The following SH3BP2 variants were observed in gnomAD, a reference collection of about 807,000 sequenced individuals.
The protein encoded by SH3BP2 is SH3 domain-binding protein 2.
Under a neutral mutation model 56.2 loss-of-function variants are expected in SH3BP2, and 38 were observed. The ratio of observed to expected loss-of-function variants is 0.68; its 90% CI spans 0.52 to 0.89. SH3BP2 has a LOEUF of 0.89. SH3BP2 is among the 40% of genes least tolerant of loss of function. The probability of loss-of-function intolerance (pLI) is 0.00; values close to 1 mark genes in which losing one functional copy is unlikely to be tolerated. For synonymous variants in SH3BP2, 346 were observed against 316.7 expected (o/e 1.09, Z -0.98); for missense variants, 748 against 762.6 (o/e 0.98, Z 0.23).
intron 1 of SH3BP2, among the ~76,000 whole-genome samples, chr4:2,809,499 A>G (rs77566703): frequency 0.016 from 2,457 of 152,174 alleles, 72 homozygotes; most frequent in African/African-American, 0.056. Context: ...GAAGGTGGCA[A>G]GCAGGTACCA....
At chr4:2,826,893 CTG>C (rs1244652995) in intron 5 of SH3BP2, 2 of 525,614 alleles carry the variant, frequency 3.8e-6, no homozygotes, top group African/African-American at 1.9e-5. Flanking sequence ...GCGCGTGTCC[CTG>C]TGTCTTTGTG....
intron 1 of SH3BP2, among the ~76,000 whole-genome samples, chr4:2,800,138 C>T (rs992018634): frequency 2.6e-5 from 4 of 151,718 alleles, no homozygotes; most frequent in Non-Finnish European, 2.9e-5. Context: ...AGGATGGGGT[C>T]GGTGACCCCT....
chr4:2,833,181 C>T (rs1475711792), intron 12 of SH3BP2, 132 bp downstream of exon 12: 3 of 805,248 alleles, frequency 3.7e-6, no homozygotes, highest in Admixed American at 1.9e-5. Context: ...CCTCCCCTTC[C>T]CCTCCACCAT....
chr4:2,812,729 C>T (rs1377249675), intron 1 of SH3BP2, among the ~76,000 whole-genome samples: 1 of 137,420 alleles, frequency 7.3e-6, no homozygotes, highest in African/African-American at 2.4e-5. Context: ...AGAACCCCCC[C>T]CACCCCCCCA....
In SH3BP2 at chr4:2,800,102, G is replaced by A. The variant is rs1723207614; in HGVS notation, c.-5+6964G>A. Reference sequence around the variant, plus strand: ...GTTCGTCGAGGCTGCAGAAGGCTGGGTGGGAGTGGAGGAGGTGACGTGACC... The same window carrying A: ...GTTCGTCGAGGCTGCAGAAGGCTGGATGGGAGTGGAGGAGGTGACGTGACC... On this transcript the variant is annotated intron_variant, in intron 1 of 12. Transcript: ENST00000503393. 1.3e-5 allele frequency among the ~76,000 whole-genome samples: 2 copies of A among 152,076 alleles called. 1 individual carries two copies. The highest frequency in any genetic ancestry group is 4.1e-4 in the South Asian group (2 of 4,820).
At position 2,838,832 on chromosome 4, in the gene SH3BP2, T is replaced by C. The variant is rs533992604; in HGVS notation, c.*4998T>C. Reference sequence around the variant, plus strand: ...GCAACAGTTTTGTCCATGTCTCTGATGCACGTGTGTTTTTTGCAAATGGTG... The same window carrying C: ...GCAACAGTTTTGTCCATGTCTCTGACGCACGTGTGTTTTTTGCAAATGGTG... On this transcript the variant is annotated 3_prime_UTR_variant, in exon 13 of 13. Coordinates refer to ENST00000503393, the MANE Select transcript of SH3BP2 (RefSeq NM_001122681.2). 9.2e-5 allele frequency: 14 copies of C among 152,334 alleles called. No homozygotes were observed. The highest frequency in any genetic ancestry group is 5.2e-4 in the Admixed American group (8 of 15,304). 9.4% of individuals were successfully genotyped at this position (152,334 alleles called of 1,614,324 possible).
chr4:2,802,336 A>G (rs983945660), intron 1 of SH3BP2, among the ~76,000 whole-genome samples: 5 of 151,430 alleles, frequency 3.3e-5, no homozygotes, highest in African/African-American at 2.4e-5. Context: ...AGAGGTTGCA[A>G]TGAGCCAAGA....
intron 1 of SH3BP2, among the ~76,000 whole-genome samples, chr4:2,801,155 G>C (rs536363716): frequency 6.6e-6 from 1 of 152,196 alleles, no homozygotes; most frequent in Non-Finnish European, 1.5e-5. Flanking sequence ...GAGAGGCTGC[G>C]GCAGAGGCTG....
At position 2,836,586 on chromosome 4, in the gene SH3BP2, T is replaced by TGGCTCCCTGCCA. The variant is rs1298990730; in HGVS notation, c.*2765_*2776dup. 1.3e-5 allele frequency: 2 copies of TGGCTCCCTGCCA among 152,436 alleles called. No individual in the cohort carries two copies. The highest frequency in any genetic ancestry group is 2.1e-4 in the South Asian group (1 of 4,830). 9.4% of individuals were successfully genotyped at this position (152,436 alleles called of 1,614,324 possible). A position where few individuals can be genotyped will look rare whatever the true frequency, so the allele number is the denominator to read the frequency against. On this transcript the variant is annotated 3_prime_UTR_variant, in exon 13 of 13. Coordinates refer to ENST00000503393, the MANE Select transcript of SH3BP2 (RefSeq NM_001122681.2). The stretch of plus-strand genomic sequence containing the variant: ...CTGAGCCTAGACCCTGGCCCCTGCC[T>TGGCTCCCTGCCA]GGCTCCCTGCCAGGCTCCCTGCCAC...
Position 2,829,691 on chromosome 4 carries a change from G to A in SH3BP2, c.785G>A (p.Arg262Lys), listed in dbSNP as rs1724867204. The part of the protein sequence containing the change: ...EDSKRDPLCP[R>K]RAEPCPRVPA... ...TCCAAGAGGGACCCACTGTGCCCGA[G>A]GCGGGCTGAGCCTTGCCCCAGGGTA... Residue 262 changes from arginine to lysine, a missense_variant, in exon 8 of 13, where the codon AGG (arginine) becomes AAG (lysine). Around this residue, in one of 3 missense-constraint regions of SH3BP2, gnomAD observed 635 missense variants for 615.0 expected, o/e 1.03. Coordinates refer to ENST00000503393, the MANE Select transcript of SH3BP2 (RefSeq NM_001122681.2). The surrounding 1 kb of genome is among the most constrained non-coding windows in gnomAD (Gnocchi z 4.9). 3.7e-6 allele frequency: 6 copies of A among 1,612,958 alleles called. No individual in the cohort carries two copies. The highest frequency in any genetic ancestry group is 1.6e-4 in the Middle Eastern group (1 of 6,062).
chr4:2,818,538 G>A (rs1577352772), intron 1 of SH3BP2: 2 of 530,336 alleles, frequency 3.8e-6, no homozygotes, highest in East Asian at 1.3e-4. Flanking sequence ...AAAGGCGGGC[G>A]TGGACCGTCC....
intron 1 of SH3BP2, chr4:2,799,252 A>G (rs945383822): frequency 1.8e-4 from 180 of 985,242 alleles, no homozygotes; most frequent in Non-Finnish European, 2.1e-4. Context: ...CGGGACCCTC[A>G]CCGCGACTGG....
rs755576345 is a variant in SH3BP2, at chr4:2,833,884, C to G, written c.*50C>G. ...CAAGGCAGTCACAGGGGCCCTGACC[C>G]CAGGCCACACAGACGGACATGGGCC... On this transcript the variant is annotated 3_prime_UTR_variant, in exon 13 of 13. Coordinates refer to ENST00000503393, the MANE Select transcript of SH3BP2 (RefSeq NM_001122681.2). The G allele has an allele frequency of 6.6e-7, 1 of 1,522,088 alleles. No homozygotes were observed. Among genetic ancestry groups the G allele is most frequent in the Non-Finnish European group, 8.8e-7 (1 of 1,135,120 alleles). The allele number at this position is 1,522,088 out of a possible 1,614,324, so 94.3% of individuals were successfully genotyped here. A position where few individuals can be genotyped will look rare whatever the true frequency, so the allele number is the denominator to read the frequency against.
chr4:2,813,792 CATG>C (rs1192699093), intron 1 of SH3BP2, among the ~76,000 whole-genome samples: 1 of 152,144 alleles, frequency 6.6e-6, no homozygotes, highest in Non-Finnish European at 1.5e-5. Flanking sequence ...TGTATGAGAA[CATG>C]AGAGCGAGTG....
intron 1 of SH3BP2, chr4:2,812,516 G>A: frequency 6.5e-7 from 1 of 1,542,764 alleles, no homozygotes; most frequent in Non-Finnish European, 8.8e-7. Flanking sequence ...TCGGGAGGCG[G>A]CACTGGTCTA....
chr4:2,797,325 C>T (rs1723098251), intron 1 of SH3BP2, among the ~76,000 whole-genome samples: 1 of 152,192 alleles, frequency 6.6e-6, no homozygotes, highest in Admixed American at 6.5e-5. Context: ...GCCTTTACCA[C>T]CCACCCTGGT....
At chr4:2,808,480 A>G (rs1193776744) in intron 1 of SH3BP2, among the ~76,000 whole-genome samples, 1 of 152,166 alleles carries the variant, frequency 6.6e-6, no homozygotes, top group Non-Finnish European at 1.5e-5. Context: ...TCAGCCCACT[A>G]CAACATGTGG....
At chr4:2,793,519 G>A (rs1278359594) in intron 1 of SH3BP2, among the ~76,000 whole-genome samples, 6 of 151,334 alleles carry the variant, frequency 4.0e-5, no homozygotes, top group Non-Finnish European at 8.9e-5. Flanking sequence ...CGGGGCGGGG[G>A]CCGGGTGTCC....
Position 2,829,081 on chromosome 4 carries a change from C to G in SH3BP2, c.587-412C>G, listed in dbSNP as rs1724833734. Among the ~76,000 whole-genome samples, 1 of 152,316 alleles carries G rather than the reference C, an allele frequency of 6.6e-6. No individual in the cohort carries two copies. Among genetic ancestry groups the G allele is most frequent in the Admixed American group, 6.5e-5 (1 of 15,298 alleles). ...CATCTCCCAGCTTTCTGGATATGTT[C>G]TGAGCAAACACGGGCCTTCACCTTC... is the stretch of plus-strand genomic sequence containing the variant. On this transcript the variant is annotated intron_variant, in intron 7 of 12. Coordinates refer to ENST00000503393, the MANE Select transcript of SH3BP2 (RefSeq NM_001122681.2). The surrounding 1 kb of genome is among the most constrained non-coding windows in gnomAD (Gnocchi z 4.9).
Sources: allele counts gnomAD v4.1 joint callset (sites outside exome capture counted in the v4.1 genomes callset), GRCh38; gene constraint gnomAD v4.1.1; regional missense constraint gnomAD v4.1.1; non-coding constraint Gnocchi (gnomAD v3.1); transcripts MANE v1.5; gene names NCBI Gene and HGNC (gene_info 2026-07-23, HGNC 2026-07-21).